VPS35L: variants seen among roughly 807,000 people sequenced by gnomAD.
VPS35L encodes the protein VPS35 endosomal protein sorting factor like.
VPS35L carries 83 observed loss-of-function variants against 133.0 expected under a neutral mutation model. That is an observed-to-expected ratio of 0.62 (90% CI 0.52 to 0.75). The LOEUF (loss-of-function observed/expected upper bound fraction) is 0.75. Among genes scored for constraint, VPS35L ranks in the 30% least tolerant of loss-of-function variants. VPS35L has a pLI of 0.00. For synonymous variants in VPS35L, 423 were observed against 449.9 expected (o/e 0.94, Z 0.76); for missense variants, 1,083 against 1,206.8 (o/e 0.90, Z 1.52).
intron 18 of VPS35L, among the ~76,000 whole-genome samples, chr16:19,632,674 C>G (rs1026544160): frequency 3.3e-5 from 5 of 152,232 alleles, no homozygotes; most frequent in African/African-American, 1.2e-4. Flanking sequence ...TGGCTGACTC[C>G]TGCTATAGGT....
chr16:19,689,432 A>G (rs1597440070), intron 28 of VPS35L, among the ~76,000 whole-genome samples: 1 of 151,910 alleles, frequency 6.6e-6, no homozygotes, highest in East Asian at 1.9e-4. Flanking sequence ...CACCATGCCC[A>G]GCTGATTTTT....
At chr16:19,591,957 G>A (rs1972058052) in intron 8 of VPS35L, 83 bp downstream of exon 8, 3 of 1,124,252 alleles carry the variant, frequency 2.7e-6, no homozygotes, top group East Asian at 2.4e-5. Context: ...CTGTAAATTA[G>A]GTTCTGCTGT....
chr16:19,608,207 A>G lies in VPS35L; in HGVS notation c.814A>G (p.Thr272Ala), dbSNP rs1490865852. ...CTTTTCTCCAGAGAATGCAAATGAC[A>G]CGGCCAAGGAAACATGCCTAAATTG... ...DHFSPENAND[T>A]AKETCLNWFF... Residue 272 changes from threonine to alanine, a missense_variant, in exon 10 of 31, where the codon ACG becomes GCG. By Grantham distance (58) the Thr-to-Ala change is moderately conservative. Transcript: ENST00000417362. The G allele has an allele frequency of 6.2e-7, 1 of 1,613,472 alleles. No homozygotes were observed. Among genetic ancestry groups the G allele is most frequent in the Admixed American group, 1.7e-5 (1 of 60,008 alleles).
intron 19 of VPS35L, among the ~76,000 whole-genome samples, chr16:19,635,401 C>G (rs891069837): frequency 6.6e-6 from 1 of 151,956 alleles, no homozygotes; most frequent in Non-Finnish European, 1.5e-5. Flanking sequence ...ACCCAAAAAC[C>G]CCACATATAT....
At chr16:19,574,958 C>T (rs1251783059) in intron 4 of VPS35L, 140 bp from the exon 5 acceptor site, 2 of 681,448 alleles carry the variant, frequency 2.9e-6, no homozygotes. Context: ...AAATTTGAAT[C>T]TCCAGTGGTT....
intron 22 of VPS35L, among the ~76,000 whole-genome samples, chr16:19,644,607 C>T (rs182479510): frequency 8.6e-4 from 131 of 152,230 alleles, no homozygotes; most frequent in African/African-American, 2.7e-3. Flanking sequence ...GACCTTGCTG[C>T]CCAAGTTCCA....
Position 19,598,829 on chromosome 16 carries a change from T to A in VPS35L, c.725-2835T>A, listed in dbSNP as rs117867924. ...AAGAATGTGGAGATGAAATTTTTTT[T>A]AAAAAAAAGAAAGCTAGTTTTAGAG... On this transcript the variant is annotated intron_variant, in intron 8 of 30. Coordinates refer to ENST00000417362, the MANE Select transcript of VPS35L (RefSeq NM_020314.7). 6.0e-4 allele frequency among the ~76,000 whole-genome samples: 91 copies of A among 151,914 alleles called. 1 individual carries two copies. In the East Asian group the frequency reaches 9.7e-3, roughly 16 times the overall value.
intron 1 of VPS35L, among the ~76,000 whole-genome samples, chr16:19,558,669 C>G (rs1459699218): frequency 1.3e-5 from 2 of 152,092 alleles, no homozygotes; most frequent in Admixed American, 6.6e-5. Flanking sequence ...GCCTCTAATC[C>G]CAGCACTTTG....
At chr16:19,582,974 C>T (rs1207508250) in intron 7 of VPS35L, among the ~76,000 whole-genome samples, 1 of 151,990 alleles carries the variant, frequency 6.6e-6, no homozygotes, top group Admixed American at 6.6e-5. Flanking sequence ...TTGAGACCAG[C>T]CTGGCCAACA....
At chr16:19,582,366 A>G (rs1219722145) in intron 7 of VPS35L, among the ~76,000 whole-genome samples, 1 of 152,196 alleles carries the variant, frequency 6.6e-6, no homozygotes, top group East Asian at 1.9e-4. Flanking sequence ...AAAAGGACAG[A>G]TCCCATTCTC....
intron 9 of VPS35L, among the ~76,000 whole-genome samples, chr16:19,604,974 A>G (rs185890783): frequency 2.0e-5 from 3 of 152,190 alleles, no homozygotes; most frequent in Admixed American, 6.5e-5. Flanking sequence ...GGGAGAGATA[A>G]TTTGGGTTTA....
At chr16:19,693,927 C>T (rs762183222) in intron 29 of VPS35L, 3 of 114,162 alleles carry the variant, frequency 2.6e-5, no homozygotes, top group African/African-American at 6.8e-5. Context: ...CCAGCCTAGG[C>T]AACAGAGCAA....
chr16:19,697,205 T>C (rs1477438715), intron 29 of VPS35L, among the ~76,000 whole-genome samples: 1 of 152,236 alleles, frequency 6.6e-6, no homozygotes, highest in Non-Finnish European at 1.5e-5. Flanking sequence ...TGCCGTCGGC[T>C]CTGCTGCTTC....
At chr16:19,566,334 A>G (rs1971188517) in intron 2 of VPS35L, among the ~76,000 whole-genome samples, 1 of 152,150 alleles carries the variant, frequency 6.6e-6, no homozygotes, top group African/African-American at 2.4e-5. Flanking sequence ...CATCTCTACT[A>G]AAAATATAAA....
chr16:19,677,190 C>T (rs1328094852), intron 27 of VPS35L, among the ~76,000 whole-genome samples: 3 of 151,828 alleles, frequency 2.0e-5, no homozygotes, highest in Non-Finnish European at 2.9e-5. Context: ...CTCCGCCTCC[C>T]GAGCAGCTGG....
chr16:19,689,302 G>A (rs1344653577), intron 28 of VPS35L, among the ~76,000 whole-genome samples: 41 of 148,066 alleles, frequency 2.8e-4, no homozygotes, highest in African/African-American at 8.8e-4. Flanking sequence ...ACAGAGTCTC[G>A]CTCAGTCACC....
Position 19,594,661 on chromosome 16 carries a change from AAAAAAAAAAAG to A in VPS35L, c.724+2790_724+2800del, listed in dbSNP as rs1325037360. Among the ~76,000 whole-genome samples, 332 of 150,356 alleles carry A rather than the reference AAAAAAAAAAAG, an allele frequency of 2.2e-3. 1 individual carries two copies. Among genetic ancestry groups the A allele is most frequent in the Middle Eastern group, 6.9e-3 (2 of 288 alleles). The stretch of plus-strand genomic sequence containing the variant: ...TTTCGTCTCAAAAAAAAAAAAAAAA[AAAAAAAAAAAG>A]AAGAGAAAAAAAATCCTCGCCTTTG... On this transcript the variant is annotated intron_variant, in intron 8 of 30. Coordinates refer to ENST00000417362, the MANE Select transcript of VPS35L (RefSeq NM_020314.7).
chr16:19,667,717 G>C (rs1369427475), intron 26 of VPS35L, among the ~76,000 whole-genome samples: 1 of 143,590 alleles, frequency 7.0e-6, no homozygotes, highest in Non-Finnish European at 1.5e-5. Context: ...CTGTGCGACA[G>C]AGCAAGACCC....
chr16:19,587,913 C>T (rs1464064046), intron 7 of VPS35L, among the ~76,000 whole-genome samples: 1 of 149,182 alleles, frequency 6.7e-6, no homozygotes, highest in Non-Finnish European at 1.5e-5. Context: ...GATTTTCATA[C>T]CTCAGCCTCC....
Sources: gnomAD v4.1 joint callset for allele counts (sites outside exome capture counted in the v4.1 genomes callset) on GRCh38, gnomAD v4.1.1 for gene constraint, MANE v1.5 for transcripts, NCBI Gene and HGNC (gene_info 2026-07-23, HGNC 2026-07-21) for gene names.